Variants in CCDC110 observed in about 807,000 individuals in gnomAD.
CCDC110 encodes the protein coiled-coil domain containing 110, also known as coiled-coil domain-containing protein 110.
In CCDC110, 70 loss-of-function variants were observed where a neutral mutation model predicts 77.1. The ratio of observed to expected loss-of-function variants is 0.91; its 90% CI spans 0.75 to 1.11. The LOEUF is 1.11. Ranked by LOEUF, CCDC110 falls within the 50% of genes least tolerant of loss-of-function variation. The pLI, the probability that CCDC110 is intolerant of heterozygous loss-of-function variation, is 0.00. For missense variants in CCDC110, 868 were observed against 942.9 expected (o/e 0.92, Z 1.04); for synonymous variants, 295 against 312.5 (o/e 0.94, Z 0.59).
At chr4:185,449,139 T>C (rs2095623746) in intron 6 of CCDC110, among the ~76,000 whole-genome samples, 1 of 152,212 alleles carries the variant, frequency 6.6e-6, no homozygotes, top group South Asian at 2.1e-4. Context: ...TGAAGTGTTT[T>C]AAGTTGATGA....
At chr4:185,466,353 A>T (rs866533906) in intron 2 of CCDC110, among the ~76,000 whole-genome samples, 5 of 152,040 alleles carry the variant, frequency 3.3e-5, no homozygotes, top group Non-Finnish European at 5.9e-5. Flanking sequence ...CCAGCCTGGG[A>T]GACAAGAGCG....
intron 6 of CCDC110, chr4:185,457,782 G>T: frequency 6.9e-7 from 1 of 1,445,954 alleles, no homozygotes; most frequent in Non-Finnish European, 9.1e-7. Flanking sequence ...ATATATCTTG[G>T]ATGGAAGCAA....
At position 185,446,065 on chromosome 4, in the gene CCDC110, T is replaced by G. The variant is rs548803099; in HGVS notation, c.2462-523A>C. 5.9e-5 allele frequency among the ~76,000 whole-genome samples: 9 copies of G among 152,212 alleles called. No individual in the cohort carries two copies. In the East Asian group the frequency reaches 1.5e-3, roughly 26 times the overall value. On this transcript the variant is annotated intron_variant, in intron 6 of 6. Transcript: ENST00000307588. ...CATGTTGGTAAGGCTGGTCTCGAAC[T>G]CCCGACCTCAGGTGATCCACCCACC... is the stretch of plus-strand genomic sequence containing the variant.
Position 185,445,228 on chromosome 4 carries a change from T to C in CCDC110, c.*274A>G, listed in dbSNP as rs2120413. 0.9 allele frequency: 1,012,906 copies of C among 1,128,670 alleles called. 456,669 individuals are homozygous for C. The highest frequency in any genetic ancestry group is 0.98 in the East Asian group (37,892 of 38,648). The allele number at this position is 1,128,670 out of a possible 1,614,324, so 69.9% of individuals were successfully genotyped here. A position where few individuals can be genotyped will look rare whatever the true frequency, so the allele number is the denominator to read the frequency against. On this transcript the variant is annotated 3_prime_UTR_variant, in exon 7 of 7. Transcript: ENST00000307588. ...TATCTTTTATTTATATATACTTTTT[T>C]AAATGACAAATGTGGGTGACTTTAG...
chr4:185,446,324 C>A (rs1396863080), intron 6 of CCDC110, among the ~76,000 whole-genome samples: 1 of 152,162 alleles, frequency 6.6e-6, no homozygotes, highest in Non-Finnish European at 1.5e-5. Flanking sequence ...GGAAAGAAGA[C>A]TTCATAGTAA....
chr4:185,454,173 G>C lies in CCDC110; in HGVS notation c.2461+3953C>G, dbSNP rs2095632996. Among the ~76,000 whole-genome samples the C allele has an allele frequency of 2.0e-5, 3 of 152,250 alleles. No individual in the cohort carries two copies. The South Asian group carries it at 6.2e-4, about 32-fold the overall frequency. On this transcript the variant is annotated intron_variant, in intron 6 of 6. Transcript: ENST00000307588. Reference sequence around the variant, plus strand: ...CTCTACAGCCTTTACCAAAATTAGAGAGCAGGGTAAGGTGGAGGTTAGTTA... The same window carrying C: ...CTCTACAGCCTTTACCAAAATTAGACAGCAGGGTAAGGTGGAGGTTAGTTA...
chr4:185,470,956 C>T lies in CCDC110; in HGVS notation c.104G>A (p.Cys35Tyr). Residue 35 changes from cysteine to tyrosine, a missense_variant, in exon 2 of 7, where the codon TGC (cysteine) becomes TAC (tyrosine). Coordinates refer to ENST00000307588, the MANE Select transcript of CCDC110 (RefSeq NM_152775.4). ...TCTGGCGATTTTACCTGTGTCACTG[C>T]AGCCACTTTCCTTCACCCCCTCCGA... ...NSSEGVKESG[C>Y]SDTEYGCIAE... 6.2e-7 allele frequency: 1 copy of T among 1,610,498 alleles called. No homozygotes were observed. The highest frequency in any genetic ancestry group is 1.1e-5 in the South Asian group (1 of 90,910).
rs553548778 is a variant in CCDC110, at chr4:185,461,169, A to T, written c.238-10T>A. 102 of 1,348,450 alleles carry T rather than the reference A, an allele frequency of 7.6e-5. No individual in the cohort carries two copies. In the South Asian group the frequency reaches 1.2e-3, roughly 16 times the overall value. 83.5% of individuals were successfully genotyped at this position (1,348,450 alleles called of 1,614,324 possible). A position where few individuals can be genotyped will look rare whatever the true frequency, so the allele number is the denominator to read the frequency against. On this transcript the variant is annotated splice_polypyrimidine_tract_variant and intron_variant, in intron 4 of 6. Coordinates refer to ENST00000307588, the MANE Select transcript of CCDC110 (RefSeq NM_152775.4). ...TGATTTCCGACTGTACCTTTAAAAG[A>T]TAAATTGAGAAAAATTTGATTTCAG...
intron 3 of CCDC110, 54 bp from the exon 4 acceptor site, chr4:185,462,762 C>CTTGAA (rs2095648742): frequency 1.4e-6 from 2 of 1,436,744 alleles, no homozygotes; most frequent in South Asian, 2.3e-5. Context: ...TAAACGTATT[C>CTTGAA]TTGAATTGTT....
rs1047562936 is a variant in CCDC110 at position 185,460,003 on chromosome 4, T to C, written c.584A>G (p.Lys195Arg). The C allele has an allele frequency of 1.2e-6, 2 of 1,613,400 alleles. No individual in the cohort carries two copies. The highest frequency in any genetic ancestry group is 2.7e-5 in the African/African-American group (2 of 74,906). Residue 195 changes from lysine (K) to arginine (R), a missense_variant, in exon 6 of 7, where the codon AAG (lysine) becomes AGG (arginine). Physicochemically the swap from Lys to Arg is conservative, Grantham distance 26 (BLOSUM62 2). Coordinates refer to ENST00000307588, the MANE Select transcript of CCDC110 (RefSeq NM_152775.4). ...IHPSENSDIL[K>R]NYNNFYRFLP... is the part of the protein sequence containing the mutation. The stretch of plus-strand genomic sequence containing the variant: ...AAAACGATAAAAGTTATTATAATTC[T>C]TCAAGATGTCAGAATTTTCTGAAGG...
In CCDC110 at chr4:185,471,719, C is replaced by T; in HGVS notation, c.-36G>A. On this transcript the variant is annotated 5_prime_UTR_variant, in exon 1 of 7. The change creates a new upstream start codon in the 5' untranslated region. Transcript: ENST00000307588. ...CATCTCTCTCGCAACCGCCGCCGCACGCACCCGCTCCGCCGCCCCGCGCAG... is the reference window on the plus strand; with the variant it reads ...CATCTCTCTCGCAACCGCCGCCGCATGCACCCGCTCCGCCGCCCCGCGCAG... The T allele has an allele frequency of 6.6e-7, 1 of 1,523,672 alleles. No homozygotes were observed. The highest frequency in any genetic ancestry group is 8.8e-7 in the Non-Finnish European group (1 of 1,138,868). 94.4% of individuals were successfully genotyped at this position (1,523,672 alleles called of 1,614,324 possible).
chr4:185,459,663 T>C lies in CCDC110; in HGVS notation c.924A>G (p.Lys308=). ...CCTCTAATTCTGAAATTCTCTTTGA[T>C]TTTATATCTTCATTTAAGTTACCGT... ...NLDGNLNEDI[K]SKRISELEAL... The change falls in exon 6 of 7, where the codon AAA becomes AAG. Residue 308 remains lysine (K), a synonymous_variant. Coordinates refer to ENST00000307588, the MANE Select transcript of CCDC110 (RefSeq NM_152775.4). The C allele has an allele frequency of 6.2e-7, 1 of 1,611,602 alleles. No individual in the cohort carries two copies. The highest frequency in any genetic ancestry group is 1.1e-5 in the South Asian group (1 of 90,248).
rs183996415 is a variant in CCDC110 at position 185,451,098 on chromosome 4, G to T, written c.2462-5556C>A. Among the ~76,000 whole-genome samples the T allele has an allele frequency of 6.9e-4, 105 of 152,182 alleles. 1 individual carries two copies. The highest frequency in any genetic ancestry group is 1.2e-4 in the Non-Finnish European group (8 of 68,014). On this transcript the variant is annotated intron_variant, in intron 6 of 6. Coordinates refer to ENST00000307588, the MANE Select transcript of CCDC110 (RefSeq NM_152775.4). ...TCCCGAGATCTGATGATTTTATAAGGGGTTTCCCTCTCGCTTGATTCTGAT... is the reference window on the plus strand; with the variant it reads ...TCCCGAGATCTGATGATTTTATAAGTGGTTTCCCTCTCGCTTGATTCTGAT...
Position 185,447,430 on chromosome 4 carries a change from T to C in CCDC110, c.2462-1888A>G, listed in dbSNP as rs1329258123. ...CTCCTGACCTCGTGATCCACCCACC[T>C]TGGCCTCCCAAAGTGCTGGGATTAC... On this transcript the variant is annotated intron_variant, in intron 6 of 6. Transcript: ENST00000307588. 2.6e-5 allele frequency among the ~76,000 whole-genome samples: 4 copies of C among 152,214 alleles called. No individual in the cohort carries two copies. In the East Asian group the frequency reaches 7.7e-4, roughly 29 times the overall value.
intron 6 of CCDC110, chr4:185,449,699 G>C: frequency 5.8e-6 from 7 of 1,214,334 alleles, no homozygotes; most frequent in Non-Finnish European, 7.9e-6. Flanking sequence ...TCACTATCAA[G>C]AGCTAATTAT....
In CCDC110 at chr4:185,460,041, G is replaced by A. The variant is rs529343630; in HGVS notation, c.546C>T (p.Asn182=). 6.2e-7 allele frequency: 1 copy of A among 1,613,638 alleles called. No homozygotes were observed. The highest frequency in any genetic ancestry group is 1.3e-5 in the African/African-American group (1 of 75,042). Residue 182 remains asparagine, a synonymous_variant, in exon 6 of 7, where the codon AAC becomes AAT. Coordinates refer to ENST00000307588, the MANE Select transcript of CCDC110 (RefSeq NM_152775.4). ...LRTSTDNLSS[N]IIIHPSENSD... ...AATTTTCTGAAGGGTGTATAATTAT[G>A]TTTGAAGATAAATTGTCTGTTGAAG...
intron 6 of CCDC110, among the ~76,000 whole-genome samples, chr4:185,447,144 G>C (rs1377300228): frequency 6.6e-6 from 1 of 151,296 alleles, no homozygotes; most frequent in African/African-American, 2.4e-5. Context: ...TTGTATGATA[G>C]TTATTTTGTT....
chr4:185,450,766 C>T (rs1443195244), intron 6 of CCDC110, among the ~76,000 whole-genome samples: 1 of 150,872 alleles, frequency 6.6e-6, no homozygotes, highest in African/African-American at 2.4e-5. Flanking sequence ...AAAATCTGCT[C>T]TTAAAAGACA....
intron 2 of CCDC110, 106 bp downstream of exon 2, chr4:185,470,839 C>T (rs2095664784): frequency 8.5e-6 from 7 of 826,782 alleles, no homozygotes; most frequent in Admixed American, 5.1e-5. Context: ...GGCTGCTGTC[C>T]GTGTCATCAC....
Sources: gnomAD v4.1 joint callset for allele counts (sites outside exome capture counted in the v4.1 genomes callset) on GRCh38, gnomAD v4.1.1 for gene constraint, MANE v1.5 for transcripts, NCBI Gene and HGNC (gene_info 2026-07-23, HGNC 2026-07-21) for gene names.